The following COL18A1 variants were observed in gnomAD, a reference collection of about 807,000 sequenced individuals.
COL18A1 encodes the protein collagen alpha-1(XVIII) chain.
COL18A1 carries 133 observed loss-of-function variants against 168.0 expected under a neutral mutation model. The ratio of observed to expected loss-of-function variants is 0.79; its 90% CI spans 0.69 to 0.91. The LOEUF (loss-of-function observed/expected upper bound fraction) is 0.91. Ranked by LOEUF, COL18A1 falls within the 40% of genes least tolerant of loss-of-function variation. COL18A1 has a pLI of 0.00. For missense variants in COL18A1, 2,126 were observed against 1,925.4 expected, an observed-to-expected ratio of 1.10 and a Z score of -1.95; for synonymous variants, 949 against 809.0, an observed-to-expected ratio of 1.17 and a Z score of -2.94.
intron 34 of COL18A1, 97 bp downstream of exon 34, chr21:45,504,653 C>T (rs535913825): frequency 6.3e-5 from 68 of 1,082,964 alleles, no homozygotes; most frequent in Admixed American, 5.2e-4. Flanking sequence ...CCGCGAAGGC[C>T]GGAGCTGCCC....
rs1345296614 is a variant in COL18A1, at chr21:45,510,184, C to T, written c.3616C>T (p.Leu1206=). The T allele has an allele frequency of 6.3e-7, 1 of 1,598,314 alleles. No homozygotes were observed. Among genetic ancestry groups the T allele is most frequent in the South Asian group, 1.1e-5 (1 of 89,010 alleles). Residue 1206 remains leucine, a synonymous_variant, in exon 40 of 42, where the codon CTG becomes TTG. Transcript: ENST00000651438. ...VGLAGTFRAF[L]SSRLQDLYSI... is the part of the protein sequence containing the mutation. The stretch of plus-strand genomic sequence containing the variant: ...GCTGGCGGGCACCTTCCGCGCCTTC[C>T]TGTCCTCGCGCCTGCAGGACCTGTA...
chr21:45,511,809 G>T (rs1021452629), intron 41 of COL18A1, among the ~76,000 whole-genome samples: 1 of 152,320 alleles, frequency 6.6e-6, no homozygotes, highest in South Asian at 2.1e-4. Context: ...GGAGTGCTGT[G>T]GGCAGGGCTG....
chr21:45,449,610 G>A (rs2034577632), intron 2 of COL18A1, among the ~76,000 whole-genome samples: 2 of 152,202 alleles, frequency 1.3e-5, no homozygotes, highest in African/African-American at 4.8e-5. Context: ...GAAAGAGGCT[G>A]TAAGCTGGGG....
chr21:45,467,455 T>C (rs552513127), intron 2 of COL18A1: 84 of 984,798 alleles, frequency 8.5e-5, no homozygotes, highest in Admixed American at 1.2e-4. Context: ...CAAGGGGTGA[T>C]TGTGGCCCCG....
chr21:45,505,423 T>G lies in COL18A1; in HGVS notation c.3079T>G (p.Ser1027Ala), dbSNP rs575230027. 9.1e-6 allele frequency: 14 copies of G among 1,544,914 alleles called. No homozygotes were observed. The highest frequency in any genetic ancestry group is 5.7e-5 in the South Asian group (5 of 87,592). Residue 1027 changes from serine to alanine, a missense_variant, in exon 36 of 42, where the codon TCC becomes GCC. Coordinates refer to ENST00000651438, the MANE Select transcript of COL18A1 (RefSeq NM_001379500.1). The stretch of plus-strand genomic sequence containing the variant: ...TGGGCCCCCTGGAACCATGGGCGCC[T>G]CCTCAGGGGTAAGTGTCTGGGCAGC... ...PPGPPGTMGA[S>A]SGVRLWATRQ...
chr21:45,493,307 G>A, intron 25 of COL18A1, 82 bp downstream of exon 25: 2 of 1,459,284 alleles, frequency 1.4e-6, no homozygotes, highest in Middle Eastern at 1.7e-4. Flanking sequence ...ACTGTTGGGA[G>A]GGACCTGGGA....
intron 32 of COL18A1, among the ~76,000 whole-genome samples, chr21:45,501,364 G>A (rs1226078118): frequency 2.0e-5 from 3 of 152,108 alleles, no homozygotes; most frequent in African/African-American, 7.3e-5. Flanking sequence ...CACCTGCGAA[G>A]GTCTCCAGGC....
intron 15 of COL18A1, among the ~76,000 whole-genome samples, chr21:45,485,280 C>T (rs1217129250): frequency 3.4e-5 from 5 of 146,272 alleles, no homozygotes; most frequent in Non-Finnish European, 7.5e-5. Flanking sequence ...GGATTACAGG[C>T]GTGAGCCACC....
At position 45,468,585 on chromosome 21, in the gene COL18A1, C is replaced by T. The variant is rs367852328; in HGVS notation, c.450C>T (p.Ala150=). 7.5e-5 allele frequency: 121 copies of T among 1,613,738 alleles called. 2 individuals are homozygous for T. In the African/African-American group the frequency reaches 1.2e-3, roughly 16 times the overall value. ...CAGGTGCAGGCCAGACCCACACAGCCGCCAGCTTCCGGCTCCCCGCCTTCG... is the reference window on the plus strand; with the variant it reads ...CAGGTGCAGGCCAGACCCACACAGCTGCCAGCTTCCGGCTCCCCGCCTTCG... ...TEPGAGQTHT[A]ASFRLPAFVG... is the part of the protein sequence containing the mutation. Residue 150 remains alanine (A), a synonymous_variant, in exon 3 of 42, where the codon GCC becomes GCT. Coordinates refer to ENST00000651438, the MANE Select transcript of COL18A1 (RefSeq NM_001379500.1).
At position 45,471,049 on chromosome 21, in the gene COL18A1, G is replaced by A. The variant is rs919047784; in HGVS notation, c.651+2263G>A. On this transcript the variant is annotated intron_variant, in intron 3 of 41. Coordinates refer to ENST00000651438, the MANE Select transcript of COL18A1 (RefSeq NM_001379500.1). The surrounding 1 kb of genome is among the most constrained non-coding windows in gnomAD (Gnocchi z 4.4). ...GCTTGTGCTGCTGGGTGTGGGTGGC[G>A]CGCTACGGGCCTTGTGCTGCTGGGC... Among the ~76,000 whole-genome samples, 6 of 150,644 alleles carry A rather than the reference G, an allele frequency of 4.0e-5. No homozygotes were observed. The highest frequency in any genetic ancestry group is 9.8e-5 in the African/African-American group (4 of 40,930).
At chr21:45,456,389 G>C in intron 2 of COL18A1, 1 of 1,548,700 alleles carries the variant, frequency 6.5e-7, no homozygotes, top group South Asian at 1.2e-5. Context: ...TGGGCTCCCG[G>C]GCGCACTGTC....
intron 2 of COL18A1, among the ~76,000 whole-genome samples, chr21:45,461,912 T>C (rs79829717): frequency 0.028 from 4,290 of 152,336 alleles, 213 homozygotes; most frequent in African/African-American, 0.097. Context: ...CCTTTCATTT[T>C]ACCTGCTGGA....
intron 2 of COL18A1, chr21:45,467,480 G>A (rs919322326): frequency 1.0e-6 from 1 of 956,052 alleles, no homozygotes; most frequent in Non-Finnish European, 1.2e-6. Context: ...GAATCAGCAT[G>A]GGGGGGATGG....
At position 45,495,390 on chromosome 21, in the gene COL18A1, G is replaced by T; in HGVS notation, c.2466G>T (p.Glu822Asp). Reference sequence around the variant, plus strand: ...CCGGGATGAACGGATTGAAAGGAGAGAAAGGGGAGCCGGGAGATGCCAGCC... The same window carrying T: ...CCGGGATGAACGGATTGAAAGGAGATAAAGGGGAGCCGGGAGATGCCAGCC... ...GRPGMNGLKG[E>D]KGEPGDASLG... The change falls in exon 29 of 42, where the codon GAG becomes GAT. Residue 822 changes from glutamate (E) to aspartate (D), a missense_variant. Physicochemically the swap from Glu to Asp is conservative, Grantham distance 45 (BLOSUM62 2). Coordinates refer to ENST00000651438, the MANE Select transcript of COL18A1 (RefSeq NM_001379500.1). 1 of 1,611,838 alleles carries T rather than the reference G, an allele frequency of 6.2e-7. No homozygotes were observed. Among genetic ancestry groups the T allele is most frequent in the Non-Finnish European group, 8.5e-7 (1 of 1,179,116 alleles).
At position 45,435,550 on chromosome 21, in the gene COL18A1, G is replaced by A. The variant is rs577213562; in HGVS notation, c.106+30077G>A. Reference sequence around the variant, plus strand: ...GCACCCACCCTCTGAGCCCCAGCTCGGCCTCCATGTGTCAGGTGGGAGGCA... The same window carrying A: ...GCACCCACCCTCTGAGCCCCAGCTCAGCCTCCATGTGTCAGGTGGGAGGCA... On this transcript the variant is annotated intron_variant, in intron 2 of 41. Coordinates refer to ENST00000651438, the MANE Select transcript of COL18A1 (RefSeq NM_001379500.1). Among the ~76,000 whole-genome samples, 77 of 152,218 alleles carry A rather than the reference G, an allele frequency of 5.1e-4. 4 individuals are homozygous for A. Among genetic ancestry groups the A allele is most frequent in the Middle Eastern group, 3.4e-3 (1 of 294 alleles).
At chr21:45,456,975 C>A (rs1324272696) in intron 2 of COL18A1, 23 of 1,040,994 alleles carry the variant, frequency 2.2e-5, no homozygotes, top group Non-Finnish European at 2.9e-5. Flanking sequence ...AGGTTCCCCC[C>A]ACATCGAATC....
intron 2 of COL18A1, among the ~76,000 whole-genome samples, chr21:45,453,062 G>A (rs1436623680): frequency 6.6e-6 from 1 of 152,004 alleles, no homozygotes; most frequent in African/African-American, 2.4e-5. Flanking sequence ...ATGTACATGT[G>A]TGAGCTTGTG....
chr21:45,422,544 G>C (rs765895502), intron 2 of COL18A1: 1 of 515,708 alleles, frequency 1.9e-6, no homozygotes, highest in Admixed American at 2.1e-5. Context: ...GCCAGGACCC[G>C]GGCAGGGCAG....
At chr21:45,501,478 C>G (rs2036821645) in intron 32 of COL18A1, among the ~76,000 whole-genome samples, 1 of 152,142 alleles carries the variant, frequency 6.6e-6, no homozygotes, top group African/African-American at 2.4e-5. Flanking sequence ...GCAGTAGAAG[C>G]AAGTGGGAAG....
Sources: allele counts gnomAD v4.1 joint callset (sites outside exome capture counted in the v4.1 genomes callset), GRCh38; gene constraint gnomAD v4.1.1; non-coding constraint Gnocchi (gnomAD v3.1); transcripts MANE v1.5; gene names NCBI Gene and HGNC (gene_info 2026-07-23, HGNC 2026-07-21).